MACROD2: variants seen among roughly 807,000 people sequenced by gnomAD.
MACROD2 encodes ADP-ribose glycohydrolase MACROD2.
In MACROD2, 36 loss-of-function variants were observed where a neutral mutation model predicts 70.4. The ratio of observed to expected loss-of-function variants is 0.51; its 90% CI spans 0.39 to 0.68. The LOEUF is 0.68. Among genes scored for constraint, MACROD2 ranks in the 30% least tolerant of loss-of-function variants. MACROD2 has a pLI of 0.00. For synonymous variants in MACROD2, 172 were observed against 178.8 expected, an observed-to-expected ratio of 0.96 and a Z score of 0.30; for missense variants, 496 against 538.4, an observed-to-expected ratio of 0.92 and a Z score of 0.78.
At chr20:14,435,130 G>A (rs931388642) in intron 3 of MACROD2, among the ~76,000 whole-genome samples, 1 of 152,116 alleles carries the variant, frequency 6.6e-6, no homozygotes, top group Non-Finnish European at 1.5e-5. Flanking sequence ...CACTCCAAAG[G>A]CTTCAAGAAA....
At chr20:14,680,716 C>T (rs1226058115) in intron 4 of MACROD2, among the ~76,000 whole-genome samples, 1 of 151,848 alleles carries the variant, frequency 6.6e-6, no homozygotes, top group Admixed American at 6.6e-5. Context: ...CAGACAGACC[C>T]ATAGCTGACC....
At chr20:14,715,188 C>G (rs2071383683) in intron 5 of MACROD2, among the ~76,000 whole-genome samples, 2 of 151,954 alleles carry the variant, frequency 1.3e-5, no homozygotes, top group Admixed American at 6.6e-5. Flanking sequence ...GAGAGCTGAG[C>G]GAAGGGGGAA....
At chr20:14,955,802 G>T (rs763865159) in intron 5 of MACROD2, among the ~76,000 whole-genome samples, 1 of 152,068 alleles carries the variant, frequency 6.6e-6, no homozygotes, top group East Asian at 1.9e-4. Flanking sequence ...GACTCTTACA[G>T]AGCTGAAGGA....
At chr20:14,382,703 A>T (rs1264818357) in intron 3 of MACROD2, among the ~76,000 whole-genome samples, 1 of 151,654 alleles carries the variant, frequency 6.6e-6, no homozygotes, top group Non-Finnish European at 1.5e-5. Context: ...AATAAATAAA[A>T]GGTTAATCTG....
At chr20:15,858,835 C>T (rs2064387775) in intron 8 of MACROD2, among the ~76,000 whole-genome samples, 1 of 152,152 alleles carries the variant, frequency 6.6e-6, no homozygotes, top group Non-Finnish European at 1.5e-5. Flanking sequence ...CAAAGTTATA[C>T]AGCATCATTT....
intron 8 of MACROD2, among the ~76,000 whole-genome samples, chr20:15,838,410 G>C (rs1203132827): frequency 6.6e-6 from 1 of 152,084 alleles, no homozygotes; most frequent in Non-Finnish European, 1.5e-5. Context: ...ATCCTTACCA[G>C]ATGTGATGCA....
chr20:15,672,765 A>C (rs2146839712), intron 8 of MACROD2, among the ~76,000 whole-genome samples: 1 of 152,162 alleles, frequency 6.6e-6, no homozygotes, highest in East Asian at 1.9e-4. Context: ...AGCCCTGGAG[A>C]TCTTGGCCAC....
intron 5 of MACROD2, among the ~76,000 whole-genome samples, chr20:15,050,366 C>T (rs1220253683): frequency 6.6e-6 from 1 of 152,038 alleles, no homozygotes; most frequent in African/African-American, 2.4e-5. Flanking sequence ...AATTTATCTC[C>T]ATACTTTTTT....
chr20:14,354,801 G>A (rs140904049), intron 3 of MACROD2, among the ~76,000 whole-genome samples: 6 of 151,988 alleles, frequency 3.9e-5, no homozygotes, highest in Admixed American at 3.9e-4. Flanking sequence ...TGTATTCCCA[G>A]GTATTTTATT....
intron 3 of MACROD2, among the ~76,000 whole-genome samples, chr20:14,144,581 C>A (rs6042548): frequency 6.6e-6 from 1 of 152,134 alleles, no homozygotes; most frequent in African/African-American, 2.4e-5. Context: ...TCTGTTCTTA[C>A]AGCACTTATG....
intron 10 of MACROD2, among the ~76,000 whole-genome samples, chr20:15,898,077 A>G (rs1173836866): frequency 6.6e-6 from 1 of 152,222 alleles, no homozygotes; most frequent in Non-Finnish European, 1.5e-5. Context: ...TCCATGTATA[A>G]GATGAGGAAA....
chr20:14,854,889 G>A (rs1204895536), intron 5 of MACROD2, among the ~76,000 whole-genome samples: 7 of 152,132 alleles, frequency 4.6e-5, no homozygotes, highest in East Asian at 3.9e-4. Context: ...GGTGGTGGAC[G>A]CCTGTAGTCC....
At chr20:15,081,727 A>T (rs1017540909) in intron 5 of MACROD2, among the ~76,000 whole-genome samples, 2 of 152,312 alleles carry the variant, frequency 1.3e-5, no homozygotes, top group East Asian at 3.9e-4. Context: ...CTTGTTTTCT[A>T]CATGGACCTT....
chr20:15,576,635 A>G (rs2048452357), intron 8 of MACROD2, among the ~76,000 whole-genome samples: 1 of 151,400 alleles, frequency 6.6e-6, no homozygotes, highest in African/African-American at 2.4e-5. Flanking sequence ...CTCACTCTGA[A>G]TCTTCCACTG....
At chr20:14,229,072 C>T (rs1306949518) in intron 3 of MACROD2, among the ~76,000 whole-genome samples, 2 of 151,806 alleles carry the variant, frequency 1.3e-5, no homozygotes, top group South Asian at 2.1e-4. Context: ...TTCTTTCCAA[C>T]TATATGTTCA....
chr20:14,415,336 AT>A (rs2083792140), intron 3 of MACROD2, among the ~76,000 whole-genome samples: 2 of 149,038 alleles, frequency 1.3e-5, no homozygotes, highest in East Asian at 3.9e-4. Flanking sequence ...CATCTTTTGA[AT>A]TTTACAGTTG....
intron 5 of MACROD2, among the ~76,000 whole-genome samples, chr20:14,750,376 AT>A (rs1327803543): frequency 6.6e-6 from 1 of 152,146 alleles, no homozygotes; most frequent in Admixed American, 6.5e-5. Flanking sequence ...AGTAATTTAC[AT>A]TTATTAGAAT....
At chr20:15,258,850 T>A (rs117391878) in intron 6 of MACROD2, among the ~76,000 whole-genome samples, 2,909 of 152,202 alleles carry the variant, frequency 0.019, 44 homozygotes, top group Non-Finnish European at 0.031. Context: ...AAGGAACGTT[T>A]GCAGAGCTAG....
chr20:14,795,091 C>G (rs1341596686), intron 5 of MACROD2, among the ~76,000 whole-genome samples: 1 of 152,022 alleles, frequency 6.6e-6, no homozygotes, highest in Admixed American at 6.6e-5. Flanking sequence ...GGAGCCAATG[C>G]ACAGGGAGAG....
Sources: allele counts gnomAD v4.1 joint callset (sites outside exome capture counted in the v4.1 genomes callset), GRCh38; gene constraint gnomAD v4.1.1; transcripts MANE v1.5; gene names NCBI Gene and HGNC (gene_info 2026-07-23, HGNC 2026-07-21).